The following SWAP70 variants were observed in gnomAD, a reference collection of about 807,000 sequenced individuals.
SWAP70 encodes the protein switch-associated protein 70.
In SWAP70, 34 loss-of-function variants were observed where a neutral mutation model predicts 80.2. The observed-to-expected ratio is 0.42, with a 90% confidence interval of 0.32 to 0.56. The LOEUF is 0.56. Ranked by LOEUF, SWAP70 falls within the 20% of genes least tolerant of loss-of-function variation. The pLI is 0.09. For synonymous variants in SWAP70, 239 were observed against 238.5 expected (o/e 1.00, Z -0.02); for missense variants, 578 against 690.7 (o/e 0.84, Z 1.83).
At chr11:9,702,075 G>C (rs745470820) in intron 2 of SWAP70, among the ~76,000 whole-genome samples, 1 of 152,164 alleles carries the variant, frequency 6.6e-6, no homozygotes, top group African/African-American at 2.4e-5. Flanking sequence ...AAACTTTTCA[G>C]TTCAGTATGT....
At chr11:9,714,095 GAA>G (rs1851034444) in intron 3 of SWAP70, among the ~76,000 whole-genome samples, 1 of 152,136 alleles carries the variant, frequency 6.6e-6, no homozygotes, top group African/African-American at 2.4e-5. Flanking sequence ...CAAAGTAAAA[GAA>G]AGAGAATGCT....
Position 9,732,493 on chromosome 11 carries a change from C to A in SWAP70, c.899-36C>A, listed in dbSNP as rs766836095. The A allele has an allele frequency of 5.8e-6, 9 of 1,561,406 alleles. No homozygotes were observed. In the South Asian group the frequency reaches 9.4e-5, roughly 16 times the overall value. On this transcript the variant is annotated intron_variant, in intron 6 of 11. Coordinates refer to ENST00000318950, the MANE Select transcript of SWAP70 (RefSeq NM_015055.4). ...TAGGCTTACAAAGAATAAATAATAT[C>A]TCCCCATTTTTTTTTTCCTCCTACA...
At chr11:9,725,150 G>A (rs757740818) in intron 4 of SWAP70, 11 of 373,668 alleles carry the variant, frequency 2.9e-5, no homozygotes, top group Non-Finnish European at 4.8e-5. Flanking sequence ...GCTAATTTTT[G>A]TATATTTAGT....
At chr11:9,668,638 A>C (rs1850337447) in intron 1 of SWAP70, among the ~76,000 whole-genome samples, 1 of 152,232 alleles carries the variant, frequency 6.6e-6, no homozygotes, top group South Asian at 2.1e-4. Flanking sequence ...TAATTTAGTC[A>C]GAAGATTAGT....
chr11:9,728,602 G>A (rs920729710), intron 5 of SWAP70, among the ~76,000 whole-genome samples: 1 of 152,184 alleles, frequency 6.6e-6, no homozygotes, highest in East Asian at 1.9e-4. Flanking sequence ...GAAGATGTAA[G>A]CATTGTCTTT....
chr11:9,670,681 G>A (rs1205958343), intron 1 of SWAP70, among the ~76,000 whole-genome samples: 1 of 152,112 alleles, frequency 6.6e-6, no homozygotes, highest in East Asian at 1.9e-4. Context: ...CGCTGGAGCT[G>A]AGGGAGAAAA....
intron 3 of SWAP70, chr11:9,719,981 TC>T: frequency 1.3e-6 from 1 of 748,512 alleles, no homozygotes; most frequent in Non-Finnish European, 1.6e-6. Context: ...ATCACATGCA[TC>T]TTGAAAGTTT....
intron 1 of SWAP70, among the ~76,000 whole-genome samples, chr11:9,689,374 C>G (rs1356053232): frequency 6.6e-6 from 1 of 152,198 alleles, no homozygotes; most frequent in Non-Finnish European, 1.5e-5. Context: ...ATCTTGTCAG[C>G]AGAGGCCCTG....
In SWAP70 at chr11:9,686,096, G is replaced by A. The variant is rs111396891; in HGVS notation, c.100-8050G>A. On this transcript the variant is annotated intron_variant, in intron 1 of 11. Coordinates refer to ENST00000318950, the MANE Select transcript of SWAP70 (RefSeq NM_015055.4). ...AAGATAAAAGCTTCATTTTCTGATT[G>A]AAAGGTAATACATAGAATACTCAAA... 3.5e-3 allele frequency among the ~76,000 whole-genome samples: 531 copies of A among 151,796 alleles called. 1 individual carries two copies. The highest frequency in any genetic ancestry group is 0.011 in the African/African-American group (471 of 41,504).
intron 3 of SWAP70, among the ~76,000 whole-genome samples, chr11:9,715,355 T>A (rs1338039731): frequency 6.6e-6 from 1 of 152,132 alleles, no homozygotes; most frequent in Non-Finnish European, 1.5e-5. Flanking sequence ...GTGTGGAGGC[T>A]ATGCAATTTG....
At chr11:9,697,316 CTT>C (rs1425858871) in intron 2 of SWAP70, among the ~76,000 whole-genome samples, 1 of 130,208 alleles carries the variant, frequency 7.7e-6, no homozygotes, top group African/African-American at 2.9e-5. Flanking sequence ...TTTTTTTGCT[CTT>C]GTTTCCCCAG....
intron 2 of SWAP70, among the ~76,000 whole-genome samples, chr11:9,705,974 TTGGTGATCTGTATGCAC>T (rs1850905060): frequency 1.9e-5 from 1 of 53,614 alleles, no homozygotes; most frequent in African/African-American, 7.5e-5. Flanking sequence ...CTGTGTATAC[TTGGTGATCTGTATGCAC>T]TGGTGATCTG....
chr11:9,726,196 A>G (rs1289322242), intron 4 of SWAP70, among the ~76,000 whole-genome samples: 1 of 152,220 alleles, frequency 6.6e-6, no homozygotes, highest in Non-Finnish European at 1.5e-5. Context: ...TTTATGTAGC[A>G]AAGTTGCTTT....
chr11:9,709,904 T>G (rs1162489673), intron 2 of SWAP70, among the ~76,000 whole-genome samples: 4 of 152,232 alleles, frequency 2.6e-5, no homozygotes, highest in Non-Finnish European at 5.9e-5. Flanking sequence ...TAAAATGTAT[T>G]ATGTGCAGTT....
At chr11:9,700,139 T>G (rs181962790) in intron 2 of SWAP70, among the ~76,000 whole-genome samples, 62 of 152,280 alleles carry the variant, frequency 4.1e-4, no homozygotes, top group Non-Finnish European at 3.7e-4. Context: ...ATGTTCTTTG[T>G]TTTAGTATTT....
At chr11:9,678,667 G>C (rs1032988856) in intron 1 of SWAP70, among the ~76,000 whole-genome samples, 1 of 149,006 alleles carries the variant, frequency 6.7e-6, no homozygotes, top group Admixed American at 6.9e-5. Flanking sequence ...TCTCATCACA[G>C]TCCCAGAGGT....
chr11:9,745,694 C>T (rs546948753), intron 9 of SWAP70, among the ~76,000 whole-genome samples: 27 of 152,278 alleles, frequency 1.8e-4, no homozygotes, highest in African/African-American at 6.3e-4. Context: ...TGTGCATTAT[C>T]GCATTTAATA....
At chr11:9,670,900 C>T (rs1007875034) in intron 1 of SWAP70, among the ~76,000 whole-genome samples, 3 of 151,140 alleles carry the variant, frequency 2.0e-5, no homozygotes, top group African/African-American at 7.3e-5. Flanking sequence ...ATTACAGGTG[C>T]CTGCCACCAC....
In SWAP70 at chr11:9,740,316, G is replaced by C. The variant is rs760308079; in HGVS notation, c.1324G>C (p.Asp442His). Residue 442 changes from aspartate (D) to histidine (H), a missense_variant, in exon 9 of 12, where the codon GAT becomes CAT. Coordinates refer to ENST00000318950, the MANE Select transcript of SWAP70 (RefSeq NM_015055.4). Reference sequence around the variant, plus strand: ...TGAAGATGAGAGACAGGCCCGGCAAGATGAAGAGACAGTGCGGAAGCTTCA... The same window carrying C: ...TGAAGATGAGAGACAGGCCCGGCAACATGAAGAGACAGTGCGGAAGCTTCA... ...ALEDERQARQ[D>H]EETVRKLQAR... is the part of the protein sequence containing the mutation. 1 of 1,614,236 alleles carries C rather than the reference G, an allele frequency of 6.2e-7. No homozygotes were observed. The highest frequency in any genetic ancestry group is 8.5e-7 in the Non-Finnish European group (1 of 1,180,024).
Sources: gnomAD v4.1 joint callset for allele counts (sites outside exome capture counted in the v4.1 genomes callset) on GRCh38, gnomAD v4.1.1 for gene constraint, MANE v1.5 for transcripts, NCBI Gene and HGNC (gene_info 2026-07-23, HGNC 2026-07-21) for gene names.